Variants in SCOC observed in about 807,000 individuals in gnomAD.
The protein encoded by SCOC is short coiled coil protein.
Under a neutral mutation model 9.9 loss-of-function variants are expected in SCOC, and 7 were observed. The observed-to-expected ratio is 0.71, with a 90% CI of 0.40 to 1.33. The LOEUF (loss-of-function observed/expected upper bound fraction) is 1.33. Ranked by LOEUF, SCOC falls within the 40% of genes most tolerant of loss-of-function variation. The probability of loss-of-function intolerance (pLI) is 0.01; values close to 1 mark genes in which losing one functional copy is unlikely to be tolerated. For synonymous variants in SCOC, 19 were observed against 28.2 expected, an observed-to-expected ratio of 0.67 and a Z score of 1.03; for missense variants, 66 against 89.7, an observed-to-expected ratio of 0.74 and a Z score of 1.07.
chr4:140,361,689 A>G (rs2126552642), intron 2 of SCOC, among the ~76,000 whole-genome samples: 1 of 152,218 alleles, frequency 6.6e-6, no homozygotes, highest in South Asian at 2.1e-4. Flanking sequence ...TTTTAACGTA[A>G]AACTCTTTGG....
intron 1 of SCOC, among the ~76,000 whole-genome samples, chr4:140,315,750 C>A (rs1732298499): frequency 6.6e-6 from 1 of 152,152 alleles, no homozygotes; most frequent in Non-Finnish European, 1.5e-5. Context: ...AACGCTTTAA[C>A]CCAGATTTTT....
At chr4:140,302,301 A>T (rs184016568) in intron 1 of SCOC, among the ~76,000 whole-genome samples, 25 of 152,220 alleles carry the variant, frequency 1.6e-4, no homozygotes, top group Admixed American at 4.6e-4. Flanking sequence ...TTGTCTTTTC[A>T]TTCTGCCTGC....
intron 2 of SCOC, among the ~76,000 whole-genome samples, chr4:140,345,926 A>G (rs1311062085): frequency 1.3e-5 from 2 of 152,234 alleles, no homozygotes; most frequent in Non-Finnish European, 2.9e-5. Flanking sequence ...TGGATTCCAG[A>G]TACAATGCTA....
intron 1 of SCOC, among the ~76,000 whole-genome samples, chr4:140,288,422 C>G (rs1731363461): frequency 6.6e-6 from 1 of 151,476 alleles, no homozygotes; most frequent in South Asian, 2.1e-4. Context: ...ACAAAACACA[C>G]ACAGGTACAC....
In SCOC at chr4:140,383,320, C is replaced by T. The variant is rs1406999635; in HGVS notation, c.*2216C>T. 2 of 152,172 alleles carry T rather than the reference C, an allele frequency of 1.3e-5. No homozygotes were observed. Among genetic ancestry groups the T allele is most frequent in the Non-Finnish European group, 2.9e-5 (2 of 68,032 alleles). The allele number at this position is 152,172 out of a possible 1,614,324, so 9.4% of individuals were successfully genotyped here. ...ACAATCTAGGATCTCTATTAAAGGT[C>T]CATCCCTTTACATGTGGCTTCTAAT... is the stretch of plus-strand genomic sequence containing the variant. On this transcript the variant is annotated 3_prime_UTR_variant, in exon 4 of 4. Coordinates refer to ENST00000608372, the MANE Select transcript of SCOC (RefSeq NM_001153484.2).
At chr4:140,294,732 G>A (rs572154583) in intron 1 of SCOC, among the ~76,000 whole-genome samples, 8 of 152,242 alleles carry the variant, frequency 5.3e-5, no homozygotes, top group South Asian at 4.2e-4. Context: ...CACATAAACC[G>A]TGCCGCCCAA....
intron 1 of SCOC, among the ~76,000 whole-genome samples, chr4:140,332,725 G>T (rs1031206230): frequency 6.6e-6 from 1 of 152,084 alleles, no homozygotes; most frequent in Non-Finnish European, 1.5e-5. Flanking sequence ...ATTGGCAAAT[G>T]CCTTTGGATC....
chr4:140,323,474 T>A (rs11100612), intron 1 of SCOC, among the ~76,000 whole-genome samples: 46,670 of 152,028 alleles, frequency 0.31, 7,994 homozygotes, highest in East Asian at 0.52. Context: ...AAGTCATAAA[T>A]TTGATAAGTC....
intron 1 of SCOC, among the ~76,000 whole-genome samples, chr4:140,275,694 C>A (rs1244591022): frequency 4.6e-5 from 7 of 152,108 alleles, no homozygotes; most frequent in Non-Finnish European, 1.0e-4. Context: ...GAGTACTGAG[C>A]AGACATAAGT....
upstream of SCOC, among the ~76,000 whole-genome samples, chr4:140,341,551 T>G (rs1178959195): frequency 2.6e-5 from 4 of 152,212 alleles, no homozygotes; most frequent in Admixed American, 2.0e-4. Flanking sequence ...TAAAAGTGTG[T>G]GTCATTATTT....
chr4:140,318,177 T>A (rs1040746446), intron 1 of SCOC, among the ~76,000 whole-genome samples: 2 of 147,376 alleles, frequency 1.4e-5, no homozygotes. Flanking sequence ...GGGCAAGGAC[T>A]TCATGTCCAA....
intron 1 of SCOC, among the ~76,000 whole-genome samples, chr4:140,325,170 G>C (rs1034621324): frequency 1.3e-5 from 2 of 151,956 alleles, no homozygotes; most frequent in East Asian, 3.9e-4. Flanking sequence ...ACTAAAAATG[G>C]ATAATAAACC....
At chr4:140,292,758 G>C (rs1731513150) in intron 1 of SCOC, among the ~76,000 whole-genome samples, 2 of 152,112 alleles carry the variant, frequency 1.3e-5, no homozygotes, top group Admixed American at 1.3e-4. Context: ...TGAAAGCTCT[G>C]AGGCTTCAGA....
chr4:140,280,400 G>A (rs951937853), intron 1 of SCOC, among the ~76,000 whole-genome samples: 3 of 152,138 alleles, frequency 2.0e-5, no homozygotes, highest in Admixed American at 6.5e-5. Flanking sequence ...AAGTGCTGGG[G>A]TTATTGATGG....
chr4:140,337,630 T>A (rs1732993616), intron 1 of SCOC, among the ~76,000 whole-genome samples: 1 of 151,984 alleles, frequency 6.6e-6, no homozygotes, highest in Admixed American at 6.6e-5. Context: ...TCACCACCGA[T>A]CCCACAGAAA....
In SCOC at chr4:140,366,536, G is replaced by C. The variant is rs1323586940; in HGVS notation, c.71-12585G>C. The C allele has an allele frequency of 1.5e-5, 24 of 1,576,366 alleles. No homozygotes were observed. In the Admixed American group the frequency reaches 4.0e-4, roughly 26 times the overall value. ...CTCATTGCCTTCATAACTTTAAAATGATCAAAATCTGTCATCTTGGCTTTC... is the reference window on the plus strand; with the variant it reads ...CTCATTGCCTTCATAACTTTAAAATCATCAAAATCTGTCATCTTGGCTTTC... On this transcript the variant is annotated intron_variant, in intron 2 of 4. Coordinates refer to the SCOC transcript ENST00000338517.
rs561277779 is a variant in SCOC, at chr4:140,279,267, A to T, written c.-19+21857A>T. 1.4e-4 allele frequency among the ~76,000 whole-genome samples: 21 copies of T among 152,308 alleles called. 1 individual carries two copies. In the South Asian group the frequency reaches 4.3e-3, roughly 32 times the overall value. On this transcript the variant is annotated intron_variant, in intron 1 of 4. Coordinates refer to the SCOC transcript ENST00000394205. ...AGACCCATCCAGGTCAGATTTCTTT[A>T]TGACATATTCTCCTAAGTCCATGTT... is the stretch of plus-strand genomic sequence containing the variant.
At chr4:140,374,877 C>G (rs886726217) in intron 1 of SCOC, among the ~76,000 whole-genome samples, 2 of 152,204 alleles carry the variant, frequency 1.3e-5, no homozygotes, top group African/African-American at 4.8e-5. Context: ...GTGTCCATAT[C>G]TGTAAATTGC....
At chr4:140,379,483 TA>T in intron 2 of SCOC, 85 bp from the exon 3 acceptor site, 2 of 972,622 alleles carry the variant, frequency 2.1e-6, no homozygotes, top group Non-Finnish European at 3.2e-6. Context: ...AGAATGAATA[TA>T]AAACATTTTG....
Sources: allele counts gnomAD v4.1 joint callset (sites outside exome capture counted in the v4.1 genomes callset), GRCh38; gene constraint gnomAD v4.1.1; transcripts MANE v1.5; gene names NCBI Gene and HGNC (gene_info 2026-07-23, HGNC 2026-07-21).